The following SP110 variants were observed in gnomAD, a reference collection of about 807,000 sequenced individuals.
SP110 encodes SP110 nuclear body protein.
A neutral mutation model predicts 92.7 loss-of-function variants in SP110; 62 were observed. The observed-to-expected ratio is 0.67, with a 90% confidence interval of 0.55 to 0.83. The LOEUF (loss-of-function observed/expected upper bound fraction) is 0.83, where lower values mean the gene tolerates loss of function less well. Ranked by LOEUF, SP110 falls within the 40% of genes least tolerant of loss-of-function variation. The probability of loss-of-function intolerance (pLI) is 0.00; values close to 1 mark genes in which losing one functional copy is unlikely to be tolerated. For missense variants in SP110, 793 were observed against 863.9 expected (o/e 0.92, Z 1.03); for synonymous variants, 273 against 305.3 (o/e 0.89, Z 1.10).
Position 230,168,853 on chromosome 2 carries a change from C to G in SP110, c.*271G>C. The G allele has an allele frequency of 2.7e-6, 1 of 364,770 alleles. No individual in the cohort carries two copies. Among genetic ancestry groups the G allele is most frequent in the South Asian group, 2.8e-5 (1 of 35,262 alleles). 22.6% of individuals were successfully genotyped at this position (364,770 alleles called of 1,614,324 possible). A position where few individuals can be genotyped will look rare whatever the true frequency, so the allele number is the denominator to read the frequency against. On this transcript the variant is annotated 3_prime_UTR_variant, in exon 19 of 19. Coordinates refer to ENST00000258381, the MANE Select transcript of SP110 (RefSeq NM_080424.4). ...TTTGAACAAATCAACTCTAAAAAGA[C>G]TTATGAGACAGTGGGGAGAATGTGA... is the stretch of plus-strand genomic sequence containing the variant.
upstream of SP110, among the ~76,000 whole-genome samples, chr2:230,221,967 G>A (rs994374350): frequency 6.6e-6 from 1 of 152,208 alleles, no homozygotes; most frequent in Non-Finnish European, 1.5e-5. Flanking sequence ...GCTCAGGCCT[G>A]TAGCTTAGCT....
At chr2:230,183,226 C>T (rs4973287) in intron 12 of SP110, among the ~76,000 whole-genome samples, 120,511 of 152,196 alleles carry the variant, frequency 0.79, 47,811 homozygotes, top group Admixed American at 0.84. Flanking sequence ...AGAACACTGT[C>T]AGGCTGTGCT....
chr2:230,185,177 C>T (rs888020987), intron 11 of SP110, among the ~76,000 whole-genome samples: 3 of 152,208 alleles, frequency 2.0e-5, no homozygotes, highest in East Asian at 3.8e-4. Context: ...CTGTCTAGAA[C>T]ATCCCTGGTC....
intron 11 of SP110, 71 bp downstream of exon 11, chr2:230,185,923 G>T: frequency 1.5e-6 from 2 of 1,312,150 alleles, no homozygotes; most frequent in South Asian, 1.2e-5. Flanking sequence ...ATATCTATCT[G>T]ACCCTGTACT....
intron 14 of SP110, 108 bp from the exon 15 acceptor site, chr2:230,173,067 C>A: frequency 1.3e-6 from 1 of 765,940 alleles, no homozygotes; most frequent in Non-Finnish European, 2.3e-6. Context: ...AGTGGATATC[C>A]AAACCCAATT....
At chr2:230,217,774 G>T (rs1276615985) in intron 1 of SP110, among the ~76,000 whole-genome samples, 1 of 152,244 alleles carries the variant, frequency 6.6e-6, no homozygotes, top group East Asian at 1.9e-4. Flanking sequence ...GGTTAAACAA[G>T]ATGACCTGGG....
At chr2:230,222,687 C>T (rs11894013), upstream of SP110, among the ~76,000 whole-genome samples, 2,073 of 150,652 alleles carry the variant, frequency 0.014, 38 homozygotes, top group African/African-American at 0.038. Flanking sequence ...CAGAGTGAGA[C>T]CCTGTCTCAA....
chr2:230,200,530 C>T, intron 10 of SP110: 2 of 250,608 alleles, frequency 8.0e-6, no homozygotes, highest in South Asian at 1.0e-4. Flanking sequence ...GATCAAGCTG[C>T]ACTTTCGACA....
chr2:230,199,904 G>A (rs920522541), intron 10 of SP110, among the ~76,000 whole-genome samples: 6 of 152,056 alleles, frequency 3.9e-5, no homozygotes, highest in African/African-American at 1.4e-4. Context: ...AGAGTTCCTG[G>A]GGACCAGGTT....
upstream of SP110, among the ~76,000 whole-genome samples, chr2:230,224,926 C>T (rs1474252195): frequency 3.3e-5 from 5 of 152,168 alleles, no homozygotes; most frequent in Admixed American, 6.5e-5. Context: ...GTTTATCACT[C>T]GACTTTATGC....
chr2:230,178,125 G>A, intron 13 of SP110, 32 bp downstream of exon 13: 1 of 1,333,356 alleles, frequency 7.5e-7, no homozygotes, highest in Non-Finnish European at 1.1e-6. Context: ...TTCATCTAGG[G>A]ATTCCAAAGA....
chr2:230,221,585 A>G (rs1250698718), upstream of SP110: 2 of 998,680 alleles, frequency 2.0e-6, no homozygotes, highest in East Asian at 2.6e-5. Flanking sequence ...TTCAATGCTA[A>G]CAGCTGAGGA....
intron 10 of SP110, chr2:230,200,559 GTA>G (rs2148848624): frequency 2.7e-6 from 1 of 368,322 alleles, no homozygotes; most frequent in East Asian, 6.4e-5. Flanking sequence ...TTTCAGTATA[GTA>G]CCATGAATAT....
chr2:230,220,780 G>T (rs776169732), upstream of SP110, among the ~76,000 whole-genome samples: 16 of 152,166 alleles, frequency 1.1e-4, no homozygotes, highest in Non-Finnish European at 2.4e-4. Flanking sequence ...AAGATGGGAG[G>T]ATTGCTTGAG....
At chr2:230,183,142 AG>A (rs1479386022) in intron 12 of SP110, among the ~76,000 whole-genome samples, 1 of 152,222 alleles carries the variant, frequency 6.6e-6, no homozygotes, top group African/African-American at 2.4e-5. Context: ...GAGAGGACAG[AG>A]ATGCAAAGAG....
At chr2:230,173,620 C>G (rs1205288745) in intron 14 of SP110, 1 of 152,894 alleles carries the variant, frequency 6.5e-6, no homozygotes, top group African/African-American at 2.4e-5. Flanking sequence ...TATGGAAGAT[C>G]TATTTAGAGA....
chr2:230,193,486 T>C lies in SP110; in HGVS notation c.1130-7343A>G, dbSNP rs938556880. ...ATGCTTTCAAGAGTTTGTATTCTGG[T>C]GCATATCAATCTTTCGTTTCAAGAG... is the stretch of plus-strand genomic sequence containing the variant. On this transcript the variant is annotated intron_variant, in intron 10 of 18. Coordinates refer to ENST00000258381, the MANE Select transcript of SP110 (RefSeq NM_080424.4). Among the ~76,000 whole-genome samples the C allele has an allele frequency of 2.0e-5, 3 of 152,362 alleles. No homozygotes were observed. In the East Asian group the frequency reaches 5.8e-4, roughly 29 times the overall value.
upstream of SP110, chr2:230,221,676 A>G: frequency 2.0e-6 from 3 of 1,534,846 alleles, no homozygotes; most frequent in Non-Finnish European, 2.6e-6. Flanking sequence ...AATTAAGGTT[A>G]TTTTATGCAA....
intron 3 of SP110, among the ~76,000 whole-genome samples, chr2:230,214,545 GA>G (rs2148936904): frequency 1.3e-5 from 2 of 152,266 alleles, no homozygotes; most frequent in East Asian, 3.9e-4. Context: ...AAGTGTTTGC[GA>G]TAAGGCACCA....
Sources: gnomAD v4.1 joint callset for allele counts (sites outside exome capture counted in the v4.1 genomes callset) on GRCh38, gnomAD v4.1.1 for gene constraint, MANE v1.5 for transcripts, NCBI Gene and HGNC (gene_info 2026-07-23, HGNC 2026-07-21) for gene names.